ZC3H7B: variants seen among roughly 807,000 people sequenced by gnomAD.
The protein encoded by ZC3H7B is zinc finger CCCH-type containing 7B, also known as zinc finger CCCH domain-containing protein 7B.
Under a neutral mutation model 116.0 loss-of-function variants are expected in ZC3H7B, and 35 were observed. The ratio of observed to expected loss-of-function variants is 0.30; its 90% CI spans 0.23 to 0.40. ZC3H7B has a LOEUF of 0.40. Among genes scored for constraint, ZC3H7B ranks in the 10% least tolerant of loss-of-function variants. ZC3H7B has a pLI of 1.00. For missense variants in ZC3H7B, 1,011 were observed against 1,321.5 expected (o/e 0.77, Z 3.64); for synonymous variants, 502 against 545.6 (o/e 0.92, Z 1.11).
intron 18 of ZC3H7B, 44 bp from the exon 19 acceptor site, chr22:41,355,713 C>T (rs746967845): frequency 6.2e-7 from 1 of 1,612,264 alleles, no homozygotes; most frequent in African/African-American, 1.3e-5. Context: ...ACACAGCACA[C>T]AGGCTGTGCC....
At chr22:41,342,428 A>AG (rs2036533950) in intron 11 of ZC3H7B, 101 bp from the exon 12 acceptor site, 3 of 1,076,304 alleles carry the variant, frequency 2.8e-6, no homozygotes, top group Non-Finnish European at 4.2e-6. Context: ...TGGGTAGGAT[A>AG]GGGGGGTCAT....
At chr22:41,306,544 A>G (rs1207816715) in intron 1 of ZC3H7B, among the ~76,000 whole-genome samples, 1 of 151,588 alleles carries the variant, frequency 6.6e-6, no homozygotes, top group Non-Finnish European at 1.5e-5. Flanking sequence ...TAATTTTTGT[A>G]TTTTTAGTAG....
At chr22:41,306,923 G>A (rs1195813431) in intron 1 of ZC3H7B, among the ~76,000 whole-genome samples, 1 of 151,724 alleles carries the variant, frequency 6.6e-6, no homozygotes, top group African/African-American at 2.4e-5. Context: ...CTGGGCTGAT[G>A]ATGGGCTGTG....
chr22:41,357,032 C>A lies in ZC3H7B; in HGVS notation c.2682-145C>A. ...CTGTGGGGCAGATCCCAGAGAGGGT[C>A]AGGACACCCAGGTTTTCCCTGAGCT... On this transcript the variant is annotated intron_variant, in intron 22 of 22. Transcript: ENST00000352645. The surrounding 1 kb of genome is among the most constrained non-coding windows in gnomAD (Gnocchi z 5.4). 1 of 1,395,810 alleles carries A rather than the reference C, an allele frequency of 7.2e-7. No homozygotes were observed. The highest frequency in any genetic ancestry group is 9.6e-7 in the Non-Finnish European group (1 of 1,041,504). The allele number at this position is 1,395,810 out of a possible 1,614,324, so 86.5% of individuals were successfully genotyped here.
In ZC3H7B at chr22:41,338,985, C is replaced by G; in HGVS notation, c.626-16C>G. ...AAGCAGTGCTCCCCTTCGGCTCTTGCCCACCCCATCCGCAGACTGCTACGT... is the reference window on the plus strand; with the variant it reads ...AAGCAGTGCTCCCCTTCGGCTCTTGGCCACCCCATCCGCAGACTGCTACGT... On this transcript the variant is annotated splice_polypyrimidine_tract_variant and intron_variant, in intron 8 of 22. Coordinates refer to ENST00000352645, the MANE Select transcript of ZC3H7B (RefSeq NM_017590.6). This position sits in a 1 kb window ranked among gnomAD's most constrained non-coding sequence, Gnocchi z 4.5. 1 of 1,533,824 alleles carries G rather than the reference C, an allele frequency of 6.5e-7. No individual in the cohort carries two copies. The highest frequency in any genetic ancestry group is 8.8e-7 in the Non-Finnish European group (1 of 1,135,992).
chr22:41,325,078 T>C (rs372803882), intron 2 of ZC3H7B, among the ~76,000 whole-genome samples: 1 of 152,138 alleles, frequency 6.6e-6, no homozygotes, highest in Non-Finnish European at 1.5e-5. Flanking sequence ...CTTCCCCTCA[T>C]GTAACTGAGA....
rs1014031115 is a variant in ZC3H7B at position 41,345,926 on chromosome 22, G to T, written c.1460-77G>T. On this transcript the variant is annotated intron_variant, in intron 13 of 22. Transcript: ENST00000352645. ...GGCTCATGGGGCCAGAGCCCCACAGGCCGCAGCGGGGTGGCGAGGGTGCTG... is the reference window on the plus strand; with the variant it reads ...GGCTCATGGGGCCAGAGCCCCACAGTCCGCAGCGGGGTGGCGAGGGTGCTG... The T allele has an allele frequency of 4.9e-5, 73 of 1,476,048 alleles. No homozygotes were observed. The African/African-American group carries it at 9.3e-4, about 19-fold the overall frequency. The allele number at this position is 1,476,048 out of a possible 1,614,324, so 91.4% of individuals were successfully genotyped here. A position where few individuals can be genotyped will look rare whatever the true frequency, so the allele number is the denominator to read the frequency against.
At chr22:41,329,258 CTTTTT>C (rs368796113) in intron 5 of ZC3H7B, among the ~76,000 whole-genome samples, 2 of 114,798 alleles carry the variant, frequency 1.7e-5, no homozygotes, top group African/African-American at 3.5e-5. Flanking sequence ...CAAAACTAAG[CTTTTT>C]TTTTTTTTTT....
chr22:41,303,040 CTG>C (rs2145889435), intron 1 of ZC3H7B, among the ~76,000 whole-genome samples: 1 of 152,360 alleles, frequency 6.6e-6, no homozygotes, highest in South Asian at 2.1e-4. Context: ...CATGTAGCAA[CTG>C]TGTTGGACAC....
chr22:41,356,614 G>T, intron 21 of ZC3H7B, 31 bp from the exon 22 acceptor site: 3 of 1,612,650 alleles, frequency 1.9e-6, no homozygotes, highest in South Asian at 2.2e-5. Flanking sequence ...AGGTGTGGGG[G>T]AGCAGGCACC....
intron 16 of ZC3H7B, among the ~76,000 whole-genome samples, chr22:41,350,316 C>T (rs1170235626): frequency 6.6e-6 from 1 of 152,180 alleles, no homozygotes; most frequent in Non-Finnish European, 1.5e-5. Context: ...AGGCCTTAAA[C>T]AGGAACAACT....
intron 4 of ZC3H7B, among the ~76,000 whole-genome samples, chr22:41,326,937 T>C (rs1184863404): frequency 6.6e-6 from 1 of 152,000 alleles, no homozygotes; most frequent in East Asian, 1.9e-4. Context: ...GGGCTCATGG[T>C]TGTAGATCTT....
Position 41,340,144 on chromosome 22 carries a change from C to A in ZC3H7B, c.1138+7C>A. 1 of 1,591,192 alleles carries A rather than the reference C, an allele frequency of 6.3e-7. No individual in the cohort carries two copies. Among genetic ancestry groups the A allele is most frequent in the South Asian group, 1.1e-5 (1 of 88,398 alleles). On this transcript the variant is annotated splice_region_variant and intron_variant, in intron 10 of 22. Transcript: ENST00000352645. Reference sequence around the variant, plus strand: ...AAACCTGACTCCTTCATGGGTAAGGCCATGGGTGGGCCCGTTCAACCTCCC... The same window carrying A: ...AAACCTGACTCCTTCATGGGTAAGGACATGGGTGGGCCCGTTCAACCTCCC...
intron 6 of ZC3H7B, 135 bp from the exon 7 acceptor site, chr22:41,332,036 T>TGG: frequency 1.1e-6 from 1 of 872,420 alleles, no homozygotes; most frequent in Non-Finnish European, 1.8e-6. Context: ...CCGGCAGGCC[T>TGG]GGGGACAGGG....
At chr22:41,350,606 G>A (rs2036643668) in intron 16 of ZC3H7B, among the ~76,000 whole-genome samples, 2 of 152,170 alleles carry the variant, frequency 1.3e-5, no homozygotes, top group Admixed American at 6.5e-5. Context: ...CGTCAAGGTG[G>A]ACTCTAAGAT....
chr22:41,347,140 C>T (rs2036596333), intron 14 of ZC3H7B, among the ~76,000 whole-genome samples: 1 of 152,184 alleles, frequency 6.6e-6, no homozygotes, highest in Non-Finnish European at 1.5e-5. Flanking sequence ...TCCCTGGAGT[C>T]ATGCCCACCT....
At position 41,351,433 on chromosome 22, in the gene ZC3H7B, C is replaced by T; in HGVS notation, c.1949-128C>T. 1.4e-6 allele frequency: 1 copy of T among 737,212 alleles called. No homozygotes were observed. The highest frequency in any genetic ancestry group is 2.2e-6 in the Non-Finnish European group (1 of 448,744). The allele number at this position is 737,212 out of a possible 1,614,324, so 45.7% of individuals were successfully genotyped here. A position where few individuals can be genotyped will look rare whatever the true frequency, so the allele number is the denominator to read the frequency against. On this transcript the variant is annotated intron_variant, in intron 16 of 22. Transcript: ENST00000352645. This position sits in a 1 kb window ranked among gnomAD's most constrained non-coding sequence, Gnocchi z 5.1. ...TGGTTCCCTTGTACCCCATGTCTTA[C>T]TGTGGCTGGGCTGAGAATAGGGCTC...
rs2036738462 is a variant in ZC3H7B at position 41,357,539 on chromosome 22, A to C, written c.*110A>C. 1 of 962,582 alleles carries C rather than the reference A, an allele frequency of 1.0e-6. No homozygotes were observed. Among genetic ancestry groups the C allele is most frequent in the Non-Finnish European group, 1.5e-6 (1 of 680,858 alleles). The allele number at this position is 962,582 out of a possible 1,614,324, so 59.6% of individuals were successfully genotyped here. On this transcript the variant is annotated 3_prime_UTR_variant, in exon 23 of 23. Coordinates refer to ENST00000352645, the MANE Select transcript of ZC3H7B (RefSeq NM_017590.6). This position sits in a 1 kb window ranked among gnomAD's most constrained non-coding sequence, Gnocchi z 5.4. The stretch of plus-strand genomic sequence containing the variant: ...AGGGGGGTGGGGGGCCGCCCTCATC[A>C]GGCAGCCCCCAGCCCCCTGAGGCCC...
chr22:41,327,137 A>T lies in ZC3H7B; in HGVS notation c.286-69A>T. Reference sequence around the variant, plus strand: ...GGGAAGCTGGTGTTCCTTCCTAGGCAGGGGCAGGAGGCCTGGGGGAGGGAG... The same window carrying T: ...GGGAAGCTGGTGTTCCTTCCTAGGCTGGGGCAGGAGGCCTGGGGGAGGGAG... On this transcript the variant is annotated intron_variant, in intron 4 of 22. Transcript: ENST00000352645. The surrounding 1 kb of genome is among the most constrained non-coding windows in gnomAD (Gnocchi z 4.5). 1 of 1,582,172 alleles carries T rather than the reference A, an allele frequency of 6.3e-7. No individual in the cohort carries two copies. The highest frequency in any genetic ancestry group is 1.7e-5 in the Admixed American group (1 of 58,376).
Sources: allele counts gnomAD v4.1 joint callset (sites outside exome capture counted in the v4.1 genomes callset), GRCh38; gene constraint gnomAD v4.1.1; non-coding constraint Gnocchi (gnomAD v3.1); transcripts MANE v1.5; gene names NCBI Gene and HGNC (gene_info 2026-07-23, HGNC 2026-07-21).